KAT14: variants seen among roughly 807,000 people sequenced by gnomAD.
KAT14 encodes the protein cysteine-rich protein 2-binding protein.
A neutral mutation model predicts 78.4 loss-of-function variants in KAT14; 66 were observed. The observed-to-expected ratio is 0.84, with a 90% CI of 0.69 to 1.03. The LOEUF is 1.03. Ranked by LOEUF, KAT14 falls within the 50% of genes least tolerant of loss-of-function variation. KAT14 has a pLI of 0.00. For missense variants in KAT14, 870 were observed against 972.5 expected (o/e 0.89, Z 1.40); for synonymous variants, 344 against 359.4 (o/e 0.96, Z 0.48).
chr20:18,164,146 T>A (rs186179846), intron 7 of KAT14, among the ~76,000 whole-genome samples: 1 of 152,206 alleles, frequency 6.6e-6, no homozygotes, highest in African/African-American at 2.4e-5. Flanking sequence ...AGATCCTCTT[T>A]TCTTTTTTTT....
chr20:18,140,836 A>C (rs1347000533), intron 1 of KAT14, among the ~76,000 whole-genome samples: 2 of 144,956 alleles, frequency 1.4e-5, no homozygotes, highest in African/African-American at 5.1e-5. Context: ...AAAAAAAAAA[A>C]CCAATAAAAC....
chr20:18,178,110 A>AAG (rs2039113046), intron 7 of KAT14, among the ~76,000 whole-genome samples: 1 of 148,692 alleles, frequency 6.7e-6, no homozygotes, highest in Non-Finnish European at 1.5e-5. Context: ...TCTATCTCAA[A>AAG]AAAAAAACAA....
chr20:18,141,233 A>G (rs899764408), intron 1 of KAT14, among the ~76,000 whole-genome samples: 2 of 151,878 alleles, frequency 1.3e-5, no homozygotes, highest in African/African-American at 2.4e-5. Context: ...AATGTTAGTT[A>G]TTAGTAATGA....
At chr20:18,143,744 C>T (rs1254733214) in intron 2 of KAT14, among the ~76,000 whole-genome samples, 3 of 151,940 alleles carry the variant, frequency 2.0e-5, no homozygotes, top group East Asian at 1.9e-4. Context: ...TCTCCTGCCT[C>T]GGCCTCCCGA....
intron 7 of KAT14, among the ~76,000 whole-genome samples, chr20:18,175,510 C>T (rs570316983): frequency 2.0e-5 from 3 of 152,228 alleles, no homozygotes; most frequent in South Asian, 2.1e-4. Flanking sequence ...GTCGCCTCCC[C>T]GGGCTTTCTC....
rs2037631444 is a variant in KAT14, at chr20:18,142,684, T to C, written c.24T>C (p.Ser8=). Residue 8 remains serine, a synonymous_variant, in exon 2 of 11, where the codon AGT becomes AGC. Coordinates refer to ENST00000688188, the MANE Select transcript of KAT14 (RefSeq NM_001392073.1). ...GGATGGATAGTAGCATCCACCTGAGTAGTCTGATCAGTCGGCATGATGACG... is the reference window on the plus strand; with the variant it reads ...GGATGGATAGTAGCATCCACCTGAGCAGTCTGATCAGTCGGCATGATGACG... MDSSIHL[S]SLISRHDDEA... 6.2e-7 allele frequency: 1 copy of C among 1,613,926 alleles called. No homozygotes were observed.
chr20:18,174,015 A>C (rs1176247977), intron 7 of KAT14, among the ~76,000 whole-genome samples: 1 of 152,204 alleles, frequency 6.6e-6, no homozygotes, highest in Admixed American at 6.5e-5. Context: ...CCATGAATTG[A>C]CTTTCTGCCT....
chr20:18,160,404 G>A (rs766673221), intron 5 of KAT14, among the ~76,000 whole-genome samples: 7 of 151,990 alleles, frequency 4.6e-5, no homozygotes, highest in South Asian at 2.1e-4. Flanking sequence ...AAATGGACTC[G>A]TACTATTATG....
rs970914755 is a variant in KAT14, at chr20:18,162,674, A to T, written c.1397A>T (p.Glu466Val). The change falls in exon 7 of 11, where the codon GAG (glutamate) becomes GTG (valine). Residue 466 changes from glutamate (E) to valine (V), a missense_variant. Coordinates refer to ENST00000688188, the MANE Select transcript of KAT14 (RefSeq NM_001392073.1). ...EPRYTPVSIYEEKLLLKRLEA... is the reference protein window; with the variant it reads ...EPRYTPVSIYVEKLLLKRLEA... ...AGGTATACTCCCGTGAGCATCTACGAGGAAAAGCTGCTGCTCAAGAGGCTG... is the reference window on the plus strand; with the variant it reads ...AGGTATACTCCCGTGAGCATCTACGTGGAAAAGCTGCTGCTCAAGAGGCTG... The T allele has an allele frequency of 2.5e-6, 4 of 1,614,108 alleles. No individual in the cohort carries two copies. The African/African-American group carries it at 5.3e-5, about 22-fold the overall frequency.
intron 7 of KAT14, among the ~76,000 whole-genome samples, chr20:18,178,769 A>C (rs2039141467): frequency 6.6e-6 from 1 of 152,134 alleles, no homozygotes; most frequent in South Asian, 2.1e-4. Context: ...GGCCTCTCCA[A>C]ATCTCATGCC....
chr20:18,159,930 T>C (rs1452317036), intron 5 of KAT14, among the ~76,000 whole-genome samples: 1 of 152,258 alleles, frequency 6.6e-6, no homozygotes. Context: ...GTTTATTTAT[T>C]TGAGGTACAG....
chr20:18,145,181 G>T, intron 2 of KAT14, 52 bp from the exon 3 acceptor site: 2 of 1,593,918 alleles, frequency 1.3e-6, no homozygotes, highest in Admixed American at 3.5e-5. Flanking sequence ...AAACCTTTAG[G>T]TTACCGCTGC....
intron 7 of KAT14, among the ~76,000 whole-genome samples, chr20:18,177,610 G>T (rs987776028): frequency 4.6e-5 from 7 of 152,202 alleles, no homozygotes; most frequent in African/African-American, 1.7e-4. Flanking sequence ...TTGGTGTCCA[G>T]TTTGGGAAGG....
In KAT14 at chr20:18,162,891, A is replaced by G. The variant is rs1399998649; in HGVS notation, c.1614A>G (p.Gly538=). 1.2e-6 allele frequency: 2 copies of G among 1,614,216 alleles called. No homozygotes were observed. The highest frequency in any genetic ancestry group is 1.7e-6 in the Non-Finnish European group (2 of 1,180,036). ...GAGGAATTTCCAGACTTCCAGCTGGACAAGCCACGTACAGAACCACCTGTC... is the reference window on the plus strand; with the variant it reads ...GAGGAATTTCCAGACTTCCAGCTGGGCAAGCCACGTACAGAACCACCTGTC... ...KEGGISRLPA[G]QATYRTTCQD... is the part of the protein sequence containing the mutation. The change falls in exon 7 of 11, where the codon GGA becomes GGG. Residue 538 remains glycine (G), a synonymous_variant. Coordinates refer to ENST00000688188, the MANE Select transcript of KAT14 (RefSeq NM_001392073.1).
chr20:18,149,353 A>G (rs1274135290), intron 3 of KAT14, among the ~76,000 whole-genome samples: 3 of 152,240 alleles, frequency 2.0e-5, no homozygotes, highest in African/African-American at 4.8e-5. Flanking sequence ...CGTGCCCATT[A>G]AACACTAACT....
intron 4 of KAT14, among the ~76,000 whole-genome samples, chr20:18,152,513 G>T (rs890196401): frequency 6.6e-6 from 1 of 152,212 alleles, no homozygotes; most frequent in Non-Finnish European, 1.5e-5. Context: ...GGAGGCGGAG[G>T]TTACAGTGAG....
chr20:18,138,245 C>T, intron 1 of KAT14, 194 bp downstream of exon 1: 1 of 1,239,288 alleles, frequency 8.1e-7, no homozygotes, highest in Non-Finnish European at 1.0e-6. Flanking sequence ...CAGCTCCCGG[C>T]GGGCGTGTGC....
rs189975276 is a variant in KAT14, at chr20:18,146,449, C to T, written c.378+1098C>T. ...CTGAGGGAGGCAGATCACCTGAGGT[C>T]GGGAGTTCGAGACCAGCCTGACCAA... On this transcript the variant is annotated intron_variant, in intron 3 of 10. Coordinates refer to ENST00000688188, the MANE Select transcript of KAT14 (RefSeq NM_001392073.1). Among the ~76,000 whole-genome samples the T allele has an allele frequency of 2.8e-3, 424 of 152,130 alleles. 3 individuals carry two copies. The highest frequency in any genetic ancestry group is 8.4e-3 in the African/African-American group (350 of 41,492).
chr20:18,161,986 C>T lies in KAT14; in HGVS notation c.846C>T (p.Asp282=). The change falls in exon 6 of 11, where the codon GAC becomes GAT. Residue 282 remains aspartate, a synonymous_variant. Coordinates refer to ENST00000688188, the MANE Select transcript of KAT14 (RefSeq NM_001392073.1). The part of the protein sequence containing the change: ...RAQKEAAGFL[D]RSTSSTPVKF... ...AGAAGGAGGCCGCTGGCTTTCTTGACAGGAGCACATCTTCTACCCCTGTAA... is the reference window on the plus strand; with the variant it reads ...AGAAGGAGGCCGCTGGCTTTCTTGATAGGAGCACATCTTCTACCCCTGTAA... The T allele has an allele frequency of 3.7e-6, 6 of 1,614,264 alleles. No individual in the cohort carries two copies. Among genetic ancestry groups the T allele is most frequent in the Non-Finnish European group, 5.1e-6 (6 of 1,180,058 alleles).
Sources: gnomAD v4.1 joint callset for allele counts (sites outside exome capture counted in the v4.1 genomes callset) on GRCh38, gnomAD v4.1.1 for gene constraint, MANE v1.5 for transcripts, NCBI Gene and HGNC (gene_info 2026-07-23, HGNC 2026-07-21) for gene names.